The following SORT1 variants were observed in gnomAD, a reference collection of about 807,000 sequenced individuals.
SORT1 encodes sortilin 1.
SORT1 carries 39 observed loss-of-function variants against 101.7 expected under a neutral mutation model. The observed-to-expected ratio is 0.38, with a 90% CI of 0.30 to 0.50. SORT1 has a LOEUF of 0.50. Ranked by LOEUF, SORT1 falls within the 20% of genes least tolerant of loss-of-function variation. The pLI, the probability that SORT1 is intolerant of heterozygous loss-of-function variation, is 0.90. For synonymous variants in SORT1, 396 were observed against 393.7 expected (o/e 1.01, Z -0.07); for missense variants, 878 against 1,040.4 (o/e 0.84, Z 2.15).
intron 5 of SORT1, among the ~76,000 whole-genome samples, chr1:109,351,339 CTATGCAGAGT>C (rs1301861672): frequency 1.3e-5 from 2 of 152,184 alleles, no homozygotes; most frequent in African/African-American, 4.8e-5. Context: ...AAGTTCAACA[CTATGCAGAGT>C]TATAAAATAT....
chr1:109,367,571 CT>C lies in SORT1; in HGVS notation c.367-91del. Reference sequence around the variant, plus strand: ...CGAGATTAAGCCAACACCTAAAAGACTTTTGATATCCCTACTTTGTAGTACT... The same window carrying C: ...CGAGATTAAGCCAACACCTAAAAGACTTTGATATCCCTACTTTGTAGTACT... On this transcript the variant is annotated intron_variant, in intron 2 of 19. Coordinates refer to ENST00000256637, the MANE Select transcript of SORT1 (RefSeq NM_002959.7). 7.8e-6 allele frequency: 6 copies of C among 765,208 alleles called. No individual in the cohort carries two copies. In the Admixed American group the frequency reaches 8.6e-5, roughly 11 times the overall value. The allele number at this position is 765,208 out of a possible 1,614,324, so 47.4% of individuals were successfully genotyped here.
At chr1:109,384,455 G>A (rs1321676404) in intron 1 of SORT1, among the ~76,000 whole-genome samples, 1 of 152,172 alleles carries the variant, frequency 6.6e-6, no homozygotes, top group Non-Finnish European at 1.5e-5. Flanking sequence ...ATTACAAAGG[G>A]AATATCATTT....
At chr1:109,325,137 TG>T in intron 13 of SORT1, 48 bp from the exon 14 acceptor site, 1 of 1,299,770 alleles carries the variant, frequency 7.7e-7, no homozygotes, top group Non-Finnish European at 1.1e-6. Flanking sequence ...CAATGTGTAC[TG>T]GGAATTCAGA....
At chr1:109,349,156 C>G (rs1226112471) in intron 6 of SORT1, among the ~76,000 whole-genome samples, 3 of 151,846 alleles carry the variant, frequency 2.0e-5, no homozygotes, top group African/African-American at 7.3e-5. Context: ...ACCAGCTTGG[C>G]CAACATGGTG....
intron 6 of SORT1, 34 bp from the exon 7 acceptor site, chr1:109,347,566 T>C (rs1336298650): frequency 2.7e-6 from 4 of 1,479,564 alleles, no homozygotes; most frequent in Non-Finnish European, 3.8e-6. Context: ...AAAGAAATGG[T>C]TTAAGACTGC....
At chr1:109,365,305 C>T (rs1651006325) in intron 3 of SORT1, among the ~76,000 whole-genome samples, 1 of 152,192 alleles carries the variant, frequency 6.6e-6, no homozygotes, top group Non-Finnish European at 1.5e-5. Flanking sequence ...CTACTGCAGC[C>T]TCAACCTCCC....
chr1:109,349,631 G>C (rs1649831095), intron 6 of SORT1, among the ~76,000 whole-genome samples: 1 of 151,998 alleles, frequency 6.6e-6, no homozygotes, highest in African/African-American at 2.4e-5. Flanking sequence ...AATTAGCTAG[G>C]CATGGTGGCA....
At chr1:109,319,782 G>A (rs758287233) in intron 15 of SORT1, among the ~76,000 whole-genome samples, 10 of 151,768 alleles carry the variant, frequency 6.6e-5, no homozygotes, top group Non-Finnish European at 1.5e-4. Context: ...CAGAAGAATC[G>A]CTTGAACCCG....
chr1:109,366,523 TCTTC>T (rs1360550839), intron 3 of SORT1, among the ~76,000 whole-genome samples: 3 of 152,292 alleles, frequency 2.0e-5, no homozygotes, highest in South Asian at 2.1e-4. Flanking sequence ...ATACACTCTT[TCTTC>T]ATCTTCCTTT....
chr1:109,363,671 C>T (rs1650890927), intron 3 of SORT1, among the ~76,000 whole-genome samples: 2 of 152,268 alleles, frequency 1.3e-5, no homozygotes, highest in African/African-American at 4.8e-5. Context: ...ATGTGATTTG[C>T]TGTTTTTTAT....
intron 14 of SORT1, among the ~76,000 whole-genome samples, chr1:109,324,564 G>A (rs1030178922): frequency 9.2e-5 from 14 of 152,120 alleles, no homozygotes; most frequent in African/African-American, 3.1e-4. Context: ...TTTCTGGGCC[G>A]TTAATATTGC....
chr1:109,337,089 A>G (rs189308128), intron 10 of SORT1, among the ~76,000 whole-genome samples: 34 of 152,216 alleles, frequency 2.2e-4, no homozygotes, highest in Non-Finnish European at 2.1e-4. Context: ...TTCTGGATTA[A>G]TAACTCTGAA....
chr1:109,332,696 C>T (rs994522475), intron 11 of SORT1, among the ~76,000 whole-genome samples: 5 of 152,140 alleles, frequency 3.3e-5, no homozygotes, highest in African/African-American at 1.2e-4. Flanking sequence ...GGGTATCATG[C>T]TACCTAATTT....
intron 2 of SORT1, among the ~76,000 whole-genome samples, chr1:109,368,056 G>A (rs1651208520): frequency 6.6e-6 from 1 of 152,144 alleles, no homozygotes; most frequent in African/African-American, 2.4e-5. Context: ...CACTTTGGGA[G>A]GCTGAGGCGG....
At position 109,326,528 on chromosome 1, in the gene SORT1, C is replaced by CAT. The variant is rs1270165487; in HGVS notation, c.1643+462_1643+463dup. On this transcript the variant is annotated intron_variant, in intron 13 of 19. Transcript: ENST00000256637. ...ATACACACATACACATATATATACA[C>CAT]ATATATATACATATATATACACATA... 1.6e-4 allele frequency among the ~76,000 whole-genome samples: 22 copies of CAT among 136,852 alleles called. No homozygotes were observed. In the East Asian group the frequency reaches 2.5e-3, roughly 15 times the overall value. The allele number at this position is 136,852 out of a possible 152,430, so 89.8% of individuals were successfully genotyped here.
At chr1:109,376,979 G>A (rs1242003533) in intron 1 of SORT1, among the ~76,000 whole-genome samples, 2 of 152,084 alleles carry the variant, frequency 1.3e-5, no homozygotes, top group East Asian at 3.8e-4. Flanking sequence ...ACAGCCACAG[G>A]GGACAGACTA....
At chr1:109,380,422 C>A (rs1299763782) in intron 1 of SORT1, among the ~76,000 whole-genome samples, 2 of 151,254 alleles carry the variant, frequency 1.3e-5, no homozygotes, top group African/African-American at 2.4e-5. Context: ...GTTTAAATTG[C>A]AAAACACCAA....
intron 1 of SORT1, among the ~76,000 whole-genome samples, chr1:109,377,820 G>A (rs1651960725): frequency 6.6e-6 from 1 of 152,162 alleles, no homozygotes; most frequent in Non-Finnish European, 1.5e-5. Flanking sequence ...CACACAGGAA[G>A]ATAATATGCA....
At chr1:109,378,274 A>G (rs1570977231) in intron 1 of SORT1, among the ~76,000 whole-genome samples, 1 of 152,140 alleles carries the variant, frequency 6.6e-6, no homozygotes, top group African/African-American at 2.4e-5. Flanking sequence ...TCTCAAGGTC[A>G]GAATAAAGAA....
Sources: allele counts gnomAD v4.1 joint callset (sites outside exome capture counted in the v4.1 genomes callset), GRCh38; gene constraint gnomAD v4.1.1; transcripts MANE v1.5; gene names NCBI Gene and HGNC (gene_info 2026-07-23, HGNC 2026-07-21).